KIF24: variants seen among roughly 807,000 people sequenced by gnomAD.
KIF24 encodes the protein kinesin family member 24.
A neutral mutation model predicts 118.9 loss-of-function variants in KIF24; 81 were observed. The ratio of observed to expected loss-of-function variants is 0.68; its 90% confidence interval spans 0.57 to 0.82. The LOEUF (loss-of-function observed/expected upper bound fraction) is 0.82. Among genes scored for constraint, KIF24 ranks in the 40% least tolerant of loss-of-function variants. KIF24 has a pLI of 0.00. For synonymous variants in KIF24, 599 were observed against 610.0 expected, an observed-to-expected ratio of 0.98 and a Z score of 0.27; for missense variants, 1,560 against 1,661.6, an observed-to-expected ratio of 0.94 and a Z score of 1.06.
intron 12 of KIF24, among the ~76,000 whole-genome samples, chr9:34,254,836 G>A (rs998821498): frequency 2.0e-5 from 3 of 152,176 alleles, no homozygotes; most frequent in African/African-American, 7.2e-5. Flanking sequence ...AGCAGCTGAG[G>A]ATAGAGGCTG....
At chr9:34,264,911 G>A (rs980683001) in intron 8 of KIF24, among the ~76,000 whole-genome samples, 1 of 152,190 alleles carries the variant, frequency 6.6e-6, no homozygotes, top group African/African-American at 2.4e-5. Flanking sequence ...AAAAAGGAAT[G>A]AGGAAGAGCT....
chr9:34,303,720 G>A (rs1836811304), intron 3 of KIF24, among the ~76,000 whole-genome samples: 1 of 152,146 alleles, frequency 6.6e-6, no homozygotes, highest in South Asian at 2.1e-4. Flanking sequence ...GTGGTGGCAT[G>A]TACCTGTAGT....
chr9:34,326,267 G>T (rs941660908), intron 1 of KIF24, among the ~76,000 whole-genome samples: 14 of 152,132 alleles, frequency 9.2e-5, no homozygotes, highest in African/African-American at 3.4e-4. Flanking sequence ...TGGGAGGATT[G>T]CTTGGGCCTG....
chr9:34,321,649 CAGGCTGG>C (rs1314787192), intron 1 of KIF24, among the ~76,000 whole-genome samples: 2 of 148,746 alleles, frequency 1.3e-5, no homozygotes, highest in Non-Finnish European at 3.0e-5. Context: ...CTCTGTCGCC[CAGGCTGG>C]AGTACAGTGG....
intron 1 of KIF24, among the ~76,000 whole-genome samples, chr9:34,314,737 T>C (rs1334807072): frequency 1.3e-5 from 2 of 152,234 alleles, no homozygotes; most frequent in Non-Finnish European, 2.9e-5. Context: ...ACTATAATGT[T>C]ATTCATTACA....
intron 1 of KIF24, among the ~76,000 whole-genome samples, chr9:34,317,631 C>T (rs527711319): frequency 1.3e-5 from 2 of 152,280 alleles, no homozygotes; most frequent in African/African-American, 2.4e-5. Flanking sequence ...CCTGGAATGT[C>T]AATCATCCCA....
Position 34,255,718 on chromosome 9 carries a change from G to A in KIF24, c.3872+17C>T, listed in dbSNP as rs759626365. 1.3e-6 allele frequency: 2 copies of A among 1,590,516 alleles called. No individual in the cohort carries two copies. The highest frequency in any genetic ancestry group is 8.6e-7 in the Non-Finnish European group (1 of 1,167,422). ...GTGCCAAAGGGGCTCAAGTCTTAGG[G>A]AAAGTGTCCAACTTACTGCGCTTGC... On this transcript the variant is annotated intron_variant, in intron 11 of 12. Transcript: ENST00000402558.
intron 7 of KIF24, among the ~76,000 whole-genome samples, chr9:34,269,568 C>T (rs1361428426): frequency 3.3e-5 from 5 of 151,942 alleles, no homozygotes; most frequent in African/African-American, 4.8e-5. Flanking sequence ...TACAGGCGCC[C>T]GCCACCACGC....
intron 8 of KIF24, among the ~76,000 whole-genome samples, chr9:34,264,956 G>A (rs1370168296): frequency 1.3e-5 from 2 of 152,118 alleles, no homozygotes; most frequent in Admixed American, 6.6e-5. Flanking sequence ...TGAGGATGCC[G>A]TTAAGTGACA....
chr9:34,279,935 T>TA (rs1835784518), intron 6 of KIF24, among the ~76,000 whole-genome samples: 1 of 152,162 alleles, frequency 6.6e-6, no homozygotes, highest in Admixed American at 6.5e-5. Context: ...ATGGCGATAA[T>TA]ATGTTGACTA....
Position 34,306,303 on chromosome 9 carries a change from TAG to T in KIF24, c.760_761del (p.Leu254ThrfsTer4), listed in dbSNP as rs770696737. On this transcript the variant is annotated frameshift_variant, in exon 3 of 13. Coordinates refer to ENST00000402558, the MANE Select transcript of KIF24 (RefSeq NM_194313.4). LOFTEE classifies it high-confidence loss of function. ...CTGCTTCTTTCTTCTCATGCACAAG[TAG>T]AGTTTCTTTGTCTTCTACAGTAATA... ...NIITVEDKET[L>X]LVHEKKEAVD... The T allele has an allele frequency of 1.9e-6, 3 of 1,610,520 alleles. No homozygotes were observed.
At chr9:34,279,283 G>C (rs1271949229) in intron 6 of KIF24, among the ~76,000 whole-genome samples, 1 of 152,162 alleles carries the variant, frequency 6.6e-6, no homozygotes, top group Non-Finnish European at 1.5e-5. Flanking sequence ...TTCAGGCTCA[G>C]AGAGATAAAG....
Position 34,306,307 on chromosome 9 carries a change from GTTTC to G in KIF24, c.754_757del (p.Glu252LeufsTer39), listed in dbSNP as rs776425704. ...TTCTTTCTTCTCATGCACAAGTAGA[GTTTC>G]TTTGTCTTCTACAGTAATAATATTA... On this transcript the variant is annotated frameshift_variant, in exon 3 of 13. Coordinates refer to ENST00000402558, the MANE Select transcript of KIF24 (RefSeq NM_194313.4). LOFTEE classifies it high-confidence loss of function. 5.0e-6 allele frequency: 8 copies of G among 1,610,282 alleles called. No homozygotes were observed. The highest frequency in any genetic ancestry group is 6.8e-6 in the Non-Finnish European group (8 of 1,176,944).
At position 34,297,102 on chromosome 9, in the gene KIF24, A is replaced by C. The variant is rs1269838864; in HGVS notation, c.826T>G (p.Phe276Val). ...CACGCCTCACCAAAGACTTCATCAA[A>C]ATAAAAAACATGCTGAAAAATAAAT... ...TQYILQHVFY[F>V]DEVFGEACTN... Residue 276 changes from phenylalanine (F) to valine (V), a missense_variant, in exon 4 of 13, where the codon TTT (phenylalanine) becomes GTT (valine). By Grantham distance (50) the Phe-to-Val change is conservative. Around this residue, in one of 3 missense-constraint regions of KIF24, gnomAD observed 964 missense variants for 988.0 expected, o/e 0.98. Coordinates refer to ENST00000402558, the MANE Select transcript of KIF24 (RefSeq NM_194313.4). 6.4e-7 allele frequency: 1 copy of C among 1,563,782 alleles called. No homozygotes were observed. The highest frequency in any genetic ancestry group is 1.8e-5 in the Admixed American group (1 of 54,902).
chr9:34,328,252 T>C (rs1291149938), intron 1 of KIF24, among the ~76,000 whole-genome samples: 1 of 152,156 alleles, frequency 6.6e-6, no homozygotes, highest in Non-Finnish European at 1.5e-5. Context: ...AGAATACAAG[T>C]ACAAAGAAGA....
At chr9:34,303,235 T>C (rs1016462766) in intron 3 of KIF24, among the ~76,000 whole-genome samples, 2 of 152,126 alleles carry the variant, frequency 1.3e-5, no homozygotes, top group Admixed American at 6.6e-5. Flanking sequence ...CTGAAGAAAT[T>C]GGTTGTACAG....
At chr9:34,267,894 C>A (rs1050068128) in intron 8 of KIF24, among the ~76,000 whole-genome samples, 3 of 152,132 alleles carry the variant, frequency 2.0e-5, no homozygotes, top group Non-Finnish European at 4.4e-5. Context: ...CACAAAGATG[C>A]AGGTGGCCAA....
chr9:34,267,957 A>C (rs1319509693), intron 8 of KIF24, among the ~76,000 whole-genome samples: 5 of 152,204 alleles, frequency 3.3e-5, no homozygotes, highest in Non-Finnish European at 7.3e-5. Flanking sequence ...TCTTCAACCA[A>C]TACACTGATA....
chr9:34,311,163 T>C lies in KIF24; in HGVS notation c.184A>G (p.Lys62Glu). Residue 62 changes from lysine to glutamate, a missense_variant, in exon 2 of 13, where the codon AAG (lysine) becomes GAG (glutamate). Physicochemically the swap from Lys to Glu is moderately conservative, Grantham distance 56 (BLOSUM62 1). Around this residue, in one of 3 missense-constraint regions of KIF24, gnomAD observed 964 missense variants for 988.0 expected, o/e 0.98. Coordinates refer to ENST00000402558, the MANE Select transcript of KIF24 (RefSeq NM_194313.4). ...GCTTTATCTTCTTCTTGCATAATCT[T>C]AATAATTTTGATAAGTTGGAAGAGA... is the stretch of plus-strand genomic sequence containing the variant. The part of the protein sequence containing the change: ...KRLFQLIKII[K>E]IMQEEDKAVS... 1 of 1,613,478 alleles carries C rather than the reference T, an allele frequency of 6.2e-7. No individual in the cohort carries two copies. Among genetic ancestry groups the C allele is most frequent in the South Asian group, 1.1e-5 (1 of 91,032 alleles).
Sources: allele counts gnomAD v4.1 joint callset (sites outside exome capture counted in the v4.1 genomes callset), GRCh38; gene constraint gnomAD v4.1.1; regional missense constraint gnomAD v4.1.1; transcripts MANE v1.5; gene names NCBI Gene and HGNC (gene_info 2026-07-23, HGNC 2026-07-21).